The following OAF variants were observed in gnomAD, a reference collection of about 807,000 sequenced individuals.
The protein encoded by OAF is out at first protein homolog.
A neutral mutation model predicts 22.5 loss-of-function variants in OAF; 13 were observed. The ratio of observed to expected loss-of-function variants is 0.58; its 90% CI spans 0.38 to 0.92. The LOEUF is 0.92. Ranked by LOEUF, OAF falls within the 40% of genes least tolerant of loss-of-function variation. The pLI, the probability that OAF is intolerant of heterozygous loss-of-function variation, is 0.00. For synonymous variants in OAF, 175 were observed against 170.5 expected (o/e 1.03, Z -0.21); for missense variants, 347 against 381.8 (o/e 0.91, Z 0.76).
intron 1 of OAF, among the ~76,000 whole-genome samples, chr11:120,215,453 C>A (rs1938200915): frequency 1.3e-5 from 2 of 152,106 alleles, no homozygotes; most frequent in South Asian, 4.1e-4. Context: ...AGGGTAGGGC[C>A]CAAACTCAGT....
intron 1 of OAF, among the ~76,000 whole-genome samples, chr11:120,216,433 G>T (rs927728566): frequency 6.6e-6 from 1 of 152,198 alleles, no homozygotes; most frequent in Admixed American, 6.5e-5. Context: ...GGCAGTGGAG[G>T]TGCTTTCGGG....
intron 1 of OAF, among the ~76,000 whole-genome samples, chr11:120,218,501 T>C (rs928188766): frequency 2.5e-4 from 38 of 152,158 alleles, no homozygotes; most frequent in Admixed American, 1.0e-3. Context: ...TCTCTAGCCA[T>C]AAAGCAGCCC....
At chr11:120,217,649 T>TA (rs1938230534) in intron 1 of OAF, 1 of 152,362 alleles carries the variant, frequency 6.6e-6, no homozygotes, top group African/African-American at 2.4e-5. Flanking sequence ...TCCTGCCACT[T>TA]ACCCACTGTG....
At chr11:120,218,524 G>C (rs1418705779) in intron 1 of OAF, among the ~76,000 whole-genome samples, 1 of 152,242 alleles carries the variant, frequency 6.6e-6, no homozygotes, top group African/African-American at 2.4e-5. Context: ...GCCAGGAGCA[G>C]AGGAATAAAT....
chr11:120,227,988 C>T (rs1212407891), intron 3 of OAF, among the ~76,000 whole-genome samples: 1 of 152,160 alleles, frequency 6.6e-6, no homozygotes, highest in Non-Finnish European at 1.5e-5. Flanking sequence ...CCAATATGCA[C>T]ACTTTCCCAT....
At chr11:120,222,927 CAA>C (rs59658059) in intron 1 of OAF, among the ~76,000 whole-genome samples, 116,609 of 145,078 alleles carry the variant, frequency 0.8, 45,267 homozygotes, top group Middle Eastern at 0.87. Context: ...CAAAACAAAA[CAA>C]AAAACAAAAA....
chr11:120,229,308 T>C lies in OAF; in HGVS notation c.*166T>C. Reference sequence around the variant, plus strand: ...ATCTCACATGACTGTGAAGGGGGTGTGGCATGGCAGGGGGTCTCATGAAGG... The same window carrying C: ...ATCTCACATGACTGTGAAGGGGGTGCGGCATGGCAGGGGGTCTCATGAAGG... On this transcript the variant is annotated 3_prime_UTR_variant, in exon 4 of 4. Transcript: ENST00000328965. 1 of 661,880 alleles carries C rather than the reference T, an allele frequency of 1.5e-6. No homozygotes were observed. 41.0% of individuals were successfully genotyped at this position (661,880 alleles called of 1,614,324 possible).
chr11:120,219,190 C>G (rs1938250676), intron 1 of OAF, among the ~76,000 whole-genome samples: 1 of 151,900 alleles, frequency 6.6e-6, no homozygotes, highest in Non-Finnish European at 1.5e-5. Context: ...AACAGGGAGA[C>G]TGAGGGAGGA....
intron 3 of OAF, 44 bp from the exon 4 acceptor site, chr11:120,228,824 C>CAGCCA: frequency 3.9e-6 from 2 of 519,062 alleles, no homozygotes; most frequent in East Asian, 3.5e-5. Context: ...AGCTCCTTCC[C>CAGCCA]TCCCTCCCTC....
chr11:120,229,462 CTGGT>C lies in OAF; in HGVS notation c.*323_*326del, dbSNP rs1938408559. On this transcript the variant is annotated 3_prime_UTR_variant, in exon 4 of 4. Coordinates refer to ENST00000328965, the MANE Select transcript of OAF (RefSeq NM_178507.4). ...GCAAGCTGCCAAAACATGATGGCCT[CTGGT>C]TGTTCTGTTGAACTCCTTGAACGTT... 3.1e-6 allele frequency: 1 copy of C among 322,608 alleles called. No individual in the cohort carries two copies. The highest frequency in any genetic ancestry group is 5.6e-5 in the East Asian group (1 of 17,742). 20.0% of individuals were successfully genotyped at this position (322,608 alleles called of 1,614,324 possible).
chr11:120,217,880 A>G (rs1338724684), intron 1 of OAF, among the ~76,000 whole-genome samples: 2 of 152,210 alleles, frequency 1.3e-5, no homozygotes, highest in African/African-American at 4.8e-5. Flanking sequence ...TTTCTGCTGT[A>G]GGGACCAAAG....
chr11:120,213,635 TC>T (rs1188621703), intron 1 of OAF: 6 of 152,392 alleles, frequency 3.9e-5, no homozygotes, highest in Non-Finnish European at 8.8e-5. Flanking sequence ...GGCCACTCAC[TC>T]ACTGCCTGCA....
chr11:120,225,606 C>T, intron 1 of OAF, 55 bp from the exon 2 acceptor site: 2 of 1,476,312 alleles, frequency 1.4e-6, no homozygotes, highest in Non-Finnish European at 1.8e-6. Flanking sequence ...ACCCGGTGGG[C>T]CAGTGGGAAG....
At chr11:120,213,400 G>T (rs1938175315) in intron 1 of OAF, among the ~76,000 whole-genome samples, 1 of 152,064 alleles carries the variant, frequency 6.6e-6, no homozygotes, top group Non-Finnish European at 1.5e-5. Flanking sequence ...CTCCACCCAG[G>T]TTTCTAAAGT....
intron 1 of OAF, among the ~76,000 whole-genome samples, chr11:120,215,706 A>G (rs1162085751): frequency 2.6e-5 from 4 of 152,196 alleles, no homozygotes; most frequent in Non-Finnish European, 5.9e-5. Flanking sequence ...TGGCTATTTG[A>G]CAGCCCTTCT....
chr11:120,220,252 G>A (rs886715899), intron 1 of OAF, among the ~76,000 whole-genome samples: 1 of 152,136 alleles, frequency 6.6e-6, no homozygotes, highest in African/African-American at 2.4e-5. Flanking sequence ...AGGCACAAGA[G>A]GAAGCCTCCC....
chr11:120,222,537 C>A lies in OAF; in HGVS notation c.232-3124C>A, dbSNP rs139941630. Among the ~76,000 whole-genome samples the A allele has an allele frequency of 2.1e-5, 3 of 145,876 alleles. No individual in the cohort carries two copies. The East Asian group carries it at 6.2e-4, about 30-fold the overall frequency. On this transcript the variant is annotated intron_variant, in intron 1 of 3. Coordinates refer to ENST00000328965, the MANE Select transcript of OAF (RefSeq NM_178507.4). ...CACCACTGCACTCCAGCCTGGGTGACGGAATAAGACTCGGTCTCCAAAAGA... is the reference window on the plus strand; with the variant it reads ...CACCACTGCACTCCAGCCTGGGTGAAGGAATAAGACTCGGTCTCCAAAAGA...
rs574716276 is a variant in OAF at position 120,219,383 on chromosome 11, C to G, written c.232-6278C>G. ...GGCTCAGCCGTGAGCAACATAAACC[C>G]CCAGGAACAGCGGCTGAGGCCGTGG... On this transcript the variant is annotated intron_variant, in intron 1 of 3. Coordinates refer to ENST00000328965, the MANE Select transcript of OAF (RefSeq NM_178507.4). Among the ~76,000 whole-genome samples the G allele has an allele frequency of 3.3e-5, 5 of 152,286 alleles. No homozygotes were observed. The East Asian group carries it at 9.6e-4, about 29-fold the overall frequency.
At position 120,227,177 on chromosome 11, in the gene OAF, G is replaced by C. The variant is rs147270646; in HGVS notation, c.547+181G>C. On this transcript the variant is annotated intron_variant, in intron 3 of 3. Transcript: ENST00000328965. ...TGAACACCTACAGAGATGTACTGGC[G>C]CAGGAATCAGAGATGTAGACACTCA... Among the ~76,000 whole-genome samples, 671 of 152,314 alleles carry C rather than the reference G, an allele frequency of 4.4e-3. 5 individuals carry two copies. Among genetic ancestry groups the C allele is most frequent in the Middle Eastern group, 0.01 (3 of 294 alleles).
Sources: allele counts gnomAD v4.1 joint callset (sites outside exome capture counted in the v4.1 genomes callset), GRCh38; gene constraint gnomAD v4.1.1; transcripts MANE v1.5; gene names NCBI Gene and HGNC (gene_info 2026-07-23, HGNC 2026-07-21).